FAM117B: variants seen among roughly 807,000 people sequenced by gnomAD.
FAM117B encodes protein FAM117B.
FAM117B carries 22 observed loss-of-function variants against 52.8 expected under a neutral mutation model. The ratio of observed to expected loss-of-function variants is 0.42; its 90% CI spans 0.30 to 0.59. The LOEUF is 0.59. Ranked by LOEUF, FAM117B falls within the 20% of genes least tolerant of loss-of-function variation. FAM117B has a pLI of 0.22. For missense variants in FAM117B, 678 were observed against 802.6 expected, an observed-to-expected ratio of 0.84 and a Z score of 1.88; for synonymous variants, 309 against 324.1, an observed-to-expected ratio of 0.95 and a Z score of 0.50.
intron 1 of FAM117B, among the ~76,000 whole-genome samples, chr2:202,657,890 T>C: frequency 6.6e-6 from 1 of 152,112 alleles, no homozygotes; most frequent in East Asian, 1.9e-4. Context: ...TCTTTGTATG[T>C]TTTGTTTTGT....
At chr2:202,741,605 C>T (rs68119703) in intron 4 of FAM117B, among the ~76,000 whole-genome samples, 73,728 of 150,486 alleles carry the variant, frequency 0.49, 18,752 homozygotes, top group Middle Eastern at 0.62. Context: ...GGCGCGATCT[C>T]GGCTTACTGC....
chr2:202,726,144 C>T (rs1691241061), intron 3 of FAM117B, 106 bp from the exon 4 acceptor site: 1 of 689,790 alleles, frequency 1.4e-6, no homozygotes, highest in African/African-American at 1.8e-5. Context: ...TTCAAAAATT[C>T]AAAGGACTTA....
intron 1 of FAM117B, among the ~76,000 whole-genome samples, chr2:202,673,433 G>GTTTTTTTTTTTTTTTTTTTTTTTTTTTTT (rs1158185300): frequency 8.0e-5 from 3 of 37,534 alleles, no homozygotes; most frequent in Admixed American, 4.9e-4. Context: ...TTCTTTTTCT[G>GTTTTTTTTTTTTTTTTTTTTTTTTTTTTT]TTTTTTTTTT....
intron 1 of FAM117B, among the ~76,000 whole-genome samples, chr2:202,669,634 T>C (rs1051469876): frequency 2.0e-5 from 3 of 152,190 alleles, no homozygotes; most frequent in Admixed American, 2.0e-4. Flanking sequence ...AGAAAAAATG[T>C]TTTTCACATT....
intron 1 of FAM117B, among the ~76,000 whole-genome samples, chr2:202,654,598 A>G (rs2105758273): frequency 6.6e-6 from 1 of 151,794 alleles, no homozygotes; most frequent in East Asian, 1.9e-4. Flanking sequence ...GATTAATAGT[A>G]TACACATCTT....
intron 2 of FAM117B, among the ~76,000 whole-genome samples, chr2:202,720,400 CGTGTGTGT>C (rs547237672): frequency 2.2e-5 from 3 of 136,770 alleles, no homozygotes; most frequent in South Asian, 2.2e-4. Flanking sequence ...CTTTACCTGT[CGTGTGTGT>C]GTGTGTGTGT....
chr2:202,655,124 A>G (rs759251273), intron 1 of FAM117B, among the ~76,000 whole-genome samples: 1 of 152,162 alleles, frequency 6.6e-6, no homozygotes, highest in Non-Finnish European at 1.5e-5. Context: ...TGTCATATGA[A>G]TGAGTTGTAG....
intron 2 of FAM117B, among the ~76,000 whole-genome samples, chr2:202,712,025 T>G (rs1183860533): frequency 6.6e-6 from 1 of 152,184 alleles, no homozygotes; most frequent in East Asian, 1.9e-4. Flanking sequence ...TGGGCTATTC[T>G]GGGTCTTTTG....
chr2:202,759,456 C>G, intron 7 of FAM117B, 103 bp downstream of exon 7: 1 of 1,416,182 alleles, frequency 7.1e-7, no homozygotes, highest in Non-Finnish European at 9.4e-7. Flanking sequence ...CTGATGCAGT[C>G]ACAGGTCACA....
intron 7 of FAM117B, among the ~76,000 whole-genome samples, chr2:202,762,023 CAATAA>C (rs1440465119): frequency 6.6e-6 from 1 of 151,930 alleles, no homozygotes; most frequent in Non-Finnish European, 1.5e-5. Flanking sequence ...AACCTTTTGT[CAATAA>C]AATAAGTTAC....
chr2:202,702,789 G>A (rs1230516042), intron 2 of FAM117B, among the ~76,000 whole-genome samples: 2 of 152,088 alleles, frequency 1.3e-5, no homozygotes, highest in East Asian at 1.9e-4. Flanking sequence ...TCCTGACCTC[G>A]TGATCCATCT....
rs1215480749 is a variant in FAM117B at position 202,766,020 on chromosome 2, A to G, written c.*256A>G. ...AAGGTCTCATTCTTTACCTTTGGAG[A>G]GACAATATCACGTTTTTGTTTTCGA... On this transcript the variant is annotated 3_prime_UTR_variant, in exon 8 of 8. Coordinates refer to ENST00000392238, the MANE Select transcript of FAM117B (RefSeq NM_173511.4). 2.3e-5 allele frequency: 11 copies of G among 468,354 alleles called. No individual in the cohort carries two copies. In the East Asian group the frequency reaches 3.5e-4, roughly 15 times the overall value. 29.0% of individuals were successfully genotyped at this position (468,354 alleles called of 1,614,324 possible).
At chr2:202,682,808 A>C (rs1027222878) in intron 1 of FAM117B, among the ~76,000 whole-genome samples, 11 of 152,246 alleles carry the variant, frequency 7.2e-5, no homozygotes, top group Non-Finnish European at 1.5e-4. Context: ...TCCATGGGTC[A>C]AAGAAGAAGT....
intron 2 of FAM117B, among the ~76,000 whole-genome samples, chr2:202,716,295 G>A (rs918226391): frequency 6.6e-6 from 1 of 151,356 alleles, no homozygotes; most frequent in South Asian, 2.1e-4. Context: ...TGTGTTTCTT[G>A]TAGGCAGCAG....
At chr2:202,661,838 C>T (rs1344526469) in intron 1 of FAM117B, among the ~76,000 whole-genome samples, 2 of 151,632 alleles carry the variant, frequency 1.3e-5, no homozygotes, top group Non-Finnish European at 2.9e-5. Flanking sequence ...ATAGCTTGAA[C>T]CCGGGAGGCG....
intron 1 of FAM117B, among the ~76,000 whole-genome samples, chr2:202,689,499 G>T (rs1690590425): frequency 6.6e-6 from 1 of 151,990 alleles, no homozygotes; most frequent in Non-Finnish European, 1.5e-5. Flanking sequence ...AACACTCTTA[G>T]GTTTCTTTAT....
intron 2 of FAM117B, among the ~76,000 whole-genome samples, chr2:202,707,970 A>C (rs549048093): frequency 6.6e-6 from 1 of 151,914 alleles, no homozygotes; most frequent in Non-Finnish European, 1.5e-5. Context: ...GGGTTTCACC[A>C]TGTTGGCCAG....
intron 4 of FAM117B, among the ~76,000 whole-genome samples, chr2:202,751,418 C>A (rs1691719544): frequency 6.6e-6 from 1 of 152,156 alleles, no homozygotes; most frequent in African/African-American, 2.4e-5. Context: ...GTGTTCACAT[C>A]AAATGAACTA....
intron 2 of FAM117B, among the ~76,000 whole-genome samples, chr2:202,722,265 C>T (rs1487804214): frequency 6.6e-6 from 1 of 152,004 alleles, no homozygotes; most frequent in Non-Finnish European, 1.5e-5. Flanking sequence ...CCGCCTCGGC[C>T]TCCTGGGATT....
Sources: gnomAD v4.1 joint callset for allele counts (sites outside exome capture counted in the v4.1 genomes callset) on GRCh38, gnomAD v4.1.1 for gene constraint, MANE v1.5 for transcripts, NCBI Gene and HGNC (gene_info 2026-07-23, HGNC 2026-07-21) for gene names.